The following EPB41L4A variants were observed in gnomAD, a reference collection of about 807,000 sequenced individuals.
EPB41L4A encodes erythrocyte membrane protein band 4.1 like 4A.
EPB41L4A carries 100 observed loss-of-function variants against 108.6 expected under a neutral mutation model. The ratio of observed to expected loss-of-function variants is 0.92; its 90% CI spans 0.78 to 1.09. The LOEUF (loss-of-function observed/expected upper bound fraction) is 1.09. Among genes scored for constraint, EPB41L4A ranks in the 50% least tolerant of loss-of-function variants. EPB41L4A has a pLI of 0.00. For missense variants in EPB41L4A, 1,030 were observed against 842.7 expected, an observed-to-expected ratio of 1.22 and a Z score of -2.75; for synonymous variants, 319 against 289.0, an observed-to-expected ratio of 1.10 and a Z score of -1.05.
At chr5:112,248,317 A>G (rs1750390571) in intron 9 of EPB41L4A, among the ~76,000 whole-genome samples, 1 of 152,206 alleles carries the variant, frequency 6.6e-6, no homozygotes, top group Admixed American at 6.5e-5. Flanking sequence ...ATGGCCAATT[A>G]GCACATTTCT....
intron 1 of EPB41L4A, among the ~76,000 whole-genome samples, chr5:112,378,393 A>T (rs990921113): frequency 1.3e-5 from 2 of 152,208 alleles, no homozygotes; most frequent in African/African-American, 4.8e-5. Flanking sequence ...AATCTTTTCT[A>T]TCCGTCAGAA....
intron 12 of EPB41L4A, among the ~76,000 whole-genome samples, chr5:112,215,607 C>CA (rs1209501981): frequency 3.3e-5 from 5 of 151,698 alleles, no homozygotes; most frequent in Middle Eastern, 3.2e-3. Flanking sequence ...ACTAAAAATA[C>CA]AAAAAATTAG....
chr5:112,218,613 G>C (rs1747818908), intron 12 of EPB41L4A, among the ~76,000 whole-genome samples: 1 of 152,188 alleles, frequency 6.6e-6, no homozygotes, highest in Non-Finnish European at 1.5e-5. Flanking sequence ...GAGAGTGCTA[G>C]AACACTACTT....
chr5:112,306,196 A>G (rs1034751252), intron 2 of EPB41L4A, among the ~76,000 whole-genome samples: 1 of 152,188 alleles, frequency 6.6e-6, no homozygotes, highest in African/African-American at 2.4e-5. Flanking sequence ...AATGTAGCAC[A>G]TGACACCTTC....
intron 2 of EPB41L4A, among the ~76,000 whole-genome samples, chr5:112,304,465 C>G (rs1003365444): frequency 1.3e-5 from 2 of 152,180 alleles, no homozygotes; most frequent in Non-Finnish European, 2.9e-5. Context: ...CAGAGTGGAA[C>G]AGAAAATAGG....
intron 3 of EPB41L4A, among the ~76,000 whole-genome samples, chr5:112,278,885 T>A (rs1210751269): frequency 6.8e-6 from 1 of 146,216 alleles, no homozygotes; most frequent in African/African-American, 2.6e-5. Flanking sequence ...TGAAACCCCA[T>A]CTCTACTAAA....
At chr5:112,283,146 T>C (rs1561538350) in intron 2 of EPB41L4A, among the ~76,000 whole-genome samples, 2 of 152,140 alleles carry the variant, frequency 1.3e-5, no homozygotes, top group Non-Finnish European at 2.9e-5. Context: ...AGTTAGAAAT[T>C]ACAATTCTGC....
chr5:112,379,367 G>C (rs1001382045), intron 1 of EPB41L4A, among the ~76,000 whole-genome samples: 2 of 152,144 alleles, frequency 1.3e-5, no homozygotes, highest in South Asian at 4.1e-4. Flanking sequence ...AACAAAGCCT[G>C]AGTATAACAT....
chr5:112,253,050 C>T (rs1242093385), intron 9 of EPB41L4A, among the ~76,000 whole-genome samples: 2 of 152,052 alleles, frequency 1.3e-5, no homozygotes, highest in East Asian at 3.8e-4. Context: ...GACGATCAGG[C>T]AAGAATCCTC....
chr5:112,202,355 C>G (rs1391201054), intron 15 of EPB41L4A, among the ~76,000 whole-genome samples: 1 of 152,150 alleles, frequency 6.6e-6, no homozygotes, highest in Non-Finnish European at 1.5e-5. Flanking sequence ...TCCTTCAGTC[C>G]AGAGGCAGTA....
rs1747433547 is a variant in EPB41L4A at position 112,214,053 on chromosome 5, T to C, written c.1088-4071A>G. On this transcript the variant is annotated intron_variant, in intron 12 of 22. Transcript: ENST00000261486. ...GGTGAGAAATTTAGGTTATGCATTA[T>C]TTAGGTTTACTGACTTTCCATTTTG... 2.0e-5 allele frequency among the ~76,000 whole-genome samples: 3 copies of C among 152,210 alleles called. No individual in the cohort carries two copies. The South Asian group carries it at 6.2e-4, about 32-fold the overall frequency.
chr5:112,328,346 A>T (rs1469549942), intron 1 of EPB41L4A, among the ~76,000 whole-genome samples: 1 of 152,152 alleles, frequency 6.6e-6, no homozygotes, highest in Non-Finnish European at 1.5e-5. Context: ...AAGATGTGAG[A>T]AGTTAAAATA....
At chr5:112,223,169 AC>A (rs1748190836) in intron 12 of EPB41L4A, among the ~76,000 whole-genome samples, 1 of 151,770 alleles carries the variant, frequency 6.6e-6, no homozygotes, top group Admixed American at 6.6e-5. Context: ...TGAACTCCTG[AC>A]CTCTGGTGAT....
Position 112,259,289 on chromosome 5 carries a change from A to G in EPB41L4A, c.735T>C (p.Pro245=). The G allele has an allele frequency of 6.2e-7, 1 of 1,613,762 alleles. No homozygotes were observed. Among genetic ancestry groups the G allele is most frequent in the Non-Finnish European group, 8.5e-7 (1 of 1,179,652 alleles). The change falls in exon 9 of 23, where the codon CCT becomes CCC. Residue 245 remains proline (P), a synonymous_variant. Coordinates refer to ENST00000261486, the MANE Select transcript of EPB41L4A (RefSeq NM_022140.5). ...NKKQVGKYFW[P]RITKVHFKET... is the part of the protein sequence containing the mutation. ...CCTTGAAGTGAACCTTTGTAATCCG[A>G]GGCCTAAAAAACAAAGCAGATGGTG...
At position 112,271,365 on chromosome 5, in the gene EPB41L4A, T is replaced by G. The variant is rs1053536552; in HGVS notation, c.335+3961A>C. 3.3e-5 allele frequency among the ~76,000 whole-genome samples: 5 copies of G among 152,194 alleles called. No individual in the cohort carries two copies. In the South Asian group the frequency reaches 1.0e-3, roughly 31 times the overall value. On this transcript the variant is annotated intron_variant, in intron 4 of 22. Transcript: ENST00000261486. ...ACCATTATTTCCATGTCAGCTACCT[T>G]TATCATTATTGAACACTTACATCTT...
intron 4 of EPB41L4A, among the ~76,000 whole-genome samples, chr5:112,272,299 C>G (rs577493162): frequency 6.6e-6 from 1 of 151,468 alleles, no homozygotes; most frequent in Non-Finnish European, 1.5e-5. Flanking sequence ...CGCCGCCACG[C>G]GCAGCTGATT....
intron 15 of EPB41L4A, among the ~76,000 whole-genome samples, chr5:112,203,900 G>T (rs187519334): frequency 1.3e-5 from 2 of 151,922 alleles, no homozygotes; most frequent in East Asian, 3.9e-4. Flanking sequence ...TCAGCCGGGC[G>T]TGGCAGCACA....
chr5:112,387,426 A>C (rs1451007203), intron 1 of EPB41L4A, among the ~76,000 whole-genome samples: 2 of 152,156 alleles, frequency 1.3e-5, no homozygotes, highest in Non-Finnish European at 2.9e-5. Context: ...GGAGATCGAC[A>C]CCATCCCGGC....
chr5:112,170,201 GAC>G, intron 20 of EPB41L4A, 98 bp downstream of exon 20: 1 of 1,214,092 alleles, frequency 8.2e-7, no homozygotes, highest in South Asian at 1.3e-5. Flanking sequence ...AAAATGTAAA[GAC>G]AAATTAAAGC....
Sources: gnomAD v4.1 joint callset for allele counts (sites outside exome capture counted in the v4.1 genomes callset) on GRCh38, gnomAD v4.1.1 for gene constraint, MANE v1.5 for transcripts, NCBI Gene and HGNC (gene_info 2026-07-23, HGNC 2026-07-21) for gene names.